MMS22L: variants seen among roughly 807,000 people sequenced by gnomAD.
MMS22L encodes MMS22 like, DNA repair protein, also known as protein MMS22-like.
MMS22L carries 74 observed loss-of-function variants against 159.1 expected under a neutral mutation model. That is an observed-to-expected ratio of 0.47 (90% CI 0.39 to 0.56). The LOEUF (loss-of-function observed/expected upper bound fraction) is 0.56, where lower values mean the gene tolerates loss of function less well. Ranked by LOEUF, MMS22L falls within the 20% of genes least tolerant of loss-of-function variation. The pLI, the probability that MMS22L is intolerant of heterozygous loss-of-function variation, is 0.00. For synonymous variants in MMS22L, 517 were observed against 506.9 expected, an observed-to-expected ratio of 1.02 and a Z score of -0.27; for missense variants, 1,351 against 1,422.1, an observed-to-expected ratio of 0.95 and a Z score of 0.80.
intron 14 of MMS22L, among the ~76,000 whole-genome samples, chr6:97,188,820 G>A (rs1332587531): frequency 6.6e-6 from 1 of 151,944 alleles, no homozygotes; most frequent in African/African-American, 2.4e-5. Context: ...AAATTAGCCG[G>A]GCATGATGGT....
chr6:97,281,171 C>T, intron 3 of MMS22L, 66 bp downstream of exon 3: 2 of 1,485,314 alleles, frequency 1.3e-6, no homozygotes, highest in Non-Finnish European at 9.1e-7. Flanking sequence ...TTAGAAGCCA[C>T]CCAACAACGT....
chr6:97,202,304 T>C (rs181062604), intron 14 of MMS22L, among the ~76,000 whole-genome samples: 2 of 152,336 alleles, frequency 1.3e-5, no homozygotes, highest in Admixed American at 1.3e-4. Flanking sequence ...TCCTGTGCAC[T>C]AACAGAAGGG....
chr6:97,232,860 C>A (rs1220664595), intron 12 of MMS22L, among the ~76,000 whole-genome samples: 1 of 152,008 alleles, frequency 6.6e-6, no homozygotes, highest in Non-Finnish European at 1.5e-5. Context: ...TAATTATTTA[C>A]CCCAAACCCA....
rs1816805377 is a variant in MMS22L, at chr6:97,282,122, C to T, written c.164+192G>A. On this transcript the variant is annotated intron_variant, in intron 2 of 24. Transcript: ENST00000683635. ...TTACCAAGGAAGTTTTCCCTAATAC[C>T]CCAAATACTTTAGATATGCCCTTAC... Among the ~76,000 whole-genome samples, 6 of 152,112 alleles carry T rather than the reference C, an allele frequency of 3.9e-5. No individual in the cohort carries two copies. The South Asian group carries it at 1.0e-3, about 26-fold the overall frequency.
At chr6:97,170,288 T>C (rs1333454079) in intron 19 of MMS22L, among the ~76,000 whole-genome samples, 5 of 152,120 alleles carry the variant, frequency 3.3e-5, no homozygotes, top group African/African-American at 1.2e-4. Flanking sequence ...TAGGAGTTCA[T>C]ATAAGGTGGA....
intron 14 of MMS22L, among the ~76,000 whole-genome samples, chr6:97,216,508 C>T (rs1409462813): frequency 2.0e-5 from 3 of 152,128 alleles, no homozygotes; most frequent in Non-Finnish European, 2.9e-5. Flanking sequence ...TTTTTTTAAA[C>T]TAGGTCAATG....
intron 6 of MMS22L, chr6:97,270,500 T>C: frequency 3.5e-6 from 1 of 289,736 alleles, no homozygotes; most frequent in Non-Finnish European, 6.8e-6. Flanking sequence ...TGTATTAGTA[T>C]TCAAACTCAA....
At chr6:97,183,571 A>T (rs1294981928) in intron 15 of MMS22L, among the ~76,000 whole-genome samples, 1 of 151,944 alleles carries the variant, frequency 6.6e-6, no homozygotes, top group Non-Finnish European at 1.5e-5. Context: ...TCTTCTCTTC[A>T]CTCTTCATCA....
chr6:97,226,154 T>A (rs1353877077), intron 14 of MMS22L, among the ~76,000 whole-genome samples: 1 of 152,192 alleles, frequency 6.6e-6, no homozygotes, highest in Admixed American at 6.5e-5. Context: ...TATTAGCAAC[T>A]GGATAAAGTT....
chr6:97,246,741 A>G, intron 10 of MMS22L, 51 bp from the exon 11 acceptor site: 1 of 1,316,934 alleles, frequency 7.6e-7, no homozygotes, highest in Non-Finnish European at 1.1e-6. Context: ...GATTATGCCT[A>G]TATTTAAAAT....
intron 13 of MMS22L, among the ~76,000 whole-genome samples, chr6:97,229,675 T>C (rs868373850): frequency 5.9e-5 from 9 of 152,210 alleles, no homozygotes; most frequent in South Asian, 2.1e-4. Context: ...ATATAGTACA[T>C]GGCTTTTCCT....
chr6:97,172,098 AT>A (rs933478885), intron 19 of MMS22L, among the ~76,000 whole-genome samples: 1 of 152,170 alleles, frequency 6.6e-6, no homozygotes, highest in African/African-American at 2.4e-5. Context: ...AAAAATCTAA[AT>A]CTGGAAACAG....
intron 10 of MMS22L, among the ~76,000 whole-genome samples, chr6:97,250,504 TGTATTTG>T (rs1217894396): frequency 6.6e-6 from 1 of 152,214 alleles, no homozygotes; most frequent in Non-Finnish European, 1.5e-5. Flanking sequence ...CTCTTTAAAC[TGTATTTG>T]GTTTTAAAAT....
At chr6:97,201,064 T>G (rs1250992341) in intron 14 of MMS22L, among the ~76,000 whole-genome samples, 1 of 152,062 alleles carries the variant, frequency 6.6e-6, no homozygotes, top group African/African-American at 2.4e-5. Flanking sequence ...AAAGTCCTTA[T>G]AAGAAAGTAA....
chr6:97,270,971 A>C (rs1000189001), intron 6 of MMS22L: 4 of 152,112 alleles, frequency 2.6e-5, no homozygotes, highest in Non-Finnish European at 5.9e-5. Flanking sequence ...CTATCTAAAA[A>C]ATTCAAATCG....
At chr6:97,174,765 G>C (rs114035867) in intron 18 of MMS22L, among the ~76,000 whole-genome samples, 247 of 152,264 alleles carry the variant, frequency 1.6e-3, no homozygotes, top group African/African-American at 5.8e-3. Flanking sequence ...TTCTTTCACT[G>C]AAAGACTGAA....
At chr6:97,170,477 T>C (rs1204851316) in intron 19 of MMS22L, among the ~76,000 whole-genome samples, 1 of 151,962 alleles carries the variant, frequency 6.6e-6, no homozygotes, top group African/African-American at 2.4e-5. Context: ...TTTTTTTCTT[T>C]TTCTGGCTAT....
chr6:97,241,156 C>T (rs1040389830), intron 11 of MMS22L, among the ~76,000 whole-genome samples: 3 of 152,178 alleles, frequency 2.0e-5, no homozygotes, highest in Admixed American at 6.5e-5. Flanking sequence ...CTTTTTAAGG[C>T]TGAGTAGTAT....
At position 97,172,762 on chromosome 6, in the gene MMS22L, G is replaced by T. The variant is rs532346289; in HGVS notation, c.2839+301C>A. 3.9e-5 allele frequency among the ~76,000 whole-genome samples: 6 copies of T among 152,154 alleles called. No homozygotes were observed. The East Asian group carries it at 9.6e-4, about 24-fold the overall frequency. The stretch of plus-strand genomic sequence containing the variant: ...GTTTTTTTAAAAAAGGTCCATTCTA[G>T]TTATTCAGGTATTGAAATGTGACTC... On this transcript the variant is annotated intron_variant, in intron 19 of 24. Coordinates refer to ENST00000683635, the MANE Select transcript of MMS22L (RefSeq NM_001350599.2).
Sources: gnomAD v4.1 joint callset for allele counts (sites outside exome capture counted in the v4.1 genomes callset) on GRCh38, gnomAD v4.1.1 for gene constraint, MANE v1.5 for transcripts, NCBI Gene and HGNC (gene_info 2026-07-23, HGNC 2026-07-21) for gene names.